Variants in BTRC observed in about 807,000 individuals in gnomAD.
BTRC encodes the protein beta-transducin repeat containing E3 ubiquitin protein ligase.
BTRC carries 42 observed loss-of-function variants against 85.5 expected under a neutral mutation model. The observed-to-expected ratio is 0.49, with a 90% CI of 0.38 to 0.64. BTRC has a LOEUF of 0.64. BTRC is among the 30% of genes least tolerant of loss of function. The pLI is 0.00. For missense variants in BTRC, 594 were observed against 743.5 expected (o/e 0.80, Z 2.34); for synonymous variants, 255 against 263.3 (o/e 0.97, Z 0.30).
intron 4 of BTRC, among the ~76,000 whole-genome samples, chr10:101,490,664 A>G (rs905340487): frequency 3.3e-5 from 5 of 152,182 alleles, no homozygotes; most frequent in Non-Finnish European, 5.9e-5. Flanking sequence ...GACATCTAGC[A>G]AATGTTATTT....
chr10:101,491,482 G>T (rs1433846026), intron 4 of BTRC, among the ~76,000 whole-genome samples: 1 of 152,058 alleles, frequency 6.6e-6, no homozygotes, highest in African/African-American at 2.4e-5. Flanking sequence ...AACACCTGAG[G>T]TCAGGAGTTC....
At chr10:101,486,607 T>G (rs1945995893) in intron 4 of BTRC, among the ~76,000 whole-genome samples, 1 of 152,086 alleles carries the variant, frequency 6.6e-6, no homozygotes, top group Non-Finnish European at 1.5e-5. Flanking sequence ...TTAGTTAAAT[T>G]TCTTTATTTA....
intron 2 of BTRC, among the ~76,000 whole-genome samples, chr10:101,453,894 T>C (rs1454270613): frequency 2.0e-5 from 3 of 152,222 alleles, no homozygotes; most frequent in African/African-American, 7.2e-5. Context: ...AGATAGGATC[T>C]TTCTTGTGGC....
intron 2 of BTRC, among the ~76,000 whole-genome samples, chr10:101,459,141 T>G (rs901098540): frequency 2.0e-5 from 3 of 152,222 alleles, no homozygotes; most frequent in Non-Finnish European, 4.4e-5. Flanking sequence ...CTTCCTTATA[T>G]TAATCACTTA....
intron 13 of BTRC, among the ~76,000 whole-genome samples, chr10:101,541,250 C>T (rs564104647): frequency 6.3e-5 from 9 of 143,012 alleles, no homozygotes; most frequent in African/African-American, 2.1e-4. Context: ...TGTATGTCAG[C>T]TATAGGGTTT....
intron 3 of BTRC, among the ~76,000 whole-genome samples, chr10:101,464,000 C>T (rs951560241): frequency 4.0e-5 from 6 of 150,778 alleles, no homozygotes; most frequent in African/African-American, 1.2e-4. Context: ...GATGTTGAGA[C>T]AGTTACAATT....
chr10:101,468,012 C>A (rs1474663207), intron 3 of BTRC, among the ~76,000 whole-genome samples: 2 of 152,242 alleles, frequency 1.3e-5, no homozygotes, highest in Admixed American at 6.5e-5. Flanking sequence ...TCTGTTGAAT[C>A]CTTTAGAGTC....
chr10:101,487,072 C>A (rs571032956), intron 4 of BTRC, among the ~76,000 whole-genome samples: 4 of 152,004 alleles, frequency 2.6e-5, no homozygotes, highest in South Asian at 2.1e-4. Flanking sequence ...ATTTTGATTC[C>A]TAAGTAATAA....
intron 4 of BTRC, among the ~76,000 whole-genome samples, chr10:101,490,700 C>G (rs970692494): frequency 2.6e-5 from 4 of 152,162 alleles, no homozygotes; most frequent in Admixed American, 6.5e-5. Context: ...CTTCCTACCT[C>G]TTGCTGCTTG....
chr10:101,410,779 T>G (rs1372406717), intron 1 of BTRC, among the ~76,000 whole-genome samples: 1 of 152,172 alleles, frequency 6.6e-6, no homozygotes, highest in Non-Finnish European at 1.5e-5. Flanking sequence ...CAAAACAATA[T>G]GCATCTTTAA....
chr10:101,481,082 C>A (rs1339195012), intron 4 of BTRC, among the ~76,000 whole-genome samples: 3 of 152,076 alleles, frequency 2.0e-5, no homozygotes, highest in South Asian at 2.1e-4. Context: ...CCACCACACC[C>A]AGCTAATTTT....
chr10:101,529,587 A>G (rs187733098), intron 6 of BTRC, among the ~76,000 whole-genome samples: 277 of 152,320 alleles, frequency 1.8e-3, no homozygotes, highest in African/African-American at 6.5e-3. Flanking sequence ...ATTCTTTCAT[A>G]ACGCATCTTG....
chr10:101,438,198 G>A (rs4615960), intron 2 of BTRC, among the ~76,000 whole-genome samples: 40,182 of 151,816 alleles, frequency 0.26, 6,366 homozygotes, highest in South Asian at 0.4. Context: ...AGGCCAAGGA[G>A]GGCAGATCAC....
chr10:101,480,621 G>A (rs1945809116), intron 4 of BTRC, among the ~76,000 whole-genome samples: 1 of 152,100 alleles, frequency 6.6e-6, no homozygotes, highest in Non-Finnish European at 1.5e-5. Flanking sequence ...GAACACAAAC[G>A]TTCAGACCAT....
chr10:101,479,470 G>C lies in BTRC; in HGVS notation c.324+13G>C. The C allele has an allele frequency of 6.3e-7, 1 of 1,592,142 alleles. No homozygotes were observed. Among genetic ancestry groups the C allele is most frequent in the Non-Finnish European group, 8.6e-7 (1 of 1,160,678 alleles). On this transcript the variant is annotated intron_variant, in intron 4 of 14. Transcript: ENST00000370187. ...TTGTGTGGCCAAAGTAAGTAATATT[G>C]CTCATCAATGTATATTACACCACAC...
intron 14 of BTRC, 181 bp downstream of exon 14, chr10:101,551,072 G>C (rs2062642277): frequency 2.0e-6 from 1 of 503,844 alleles, no homozygotes; most frequent in Non-Finnish European, 3.4e-6. Context: ...CTTTCACCAA[G>C]GTAGCCAGCC....
At chr10:101,403,269 G>C (rs2134004805) in intron 1 of BTRC, among the ~76,000 whole-genome samples, 1 of 152,272 alleles carries the variant, frequency 6.6e-6, no homozygotes, top group South Asian at 2.1e-4. Context: ...TATTTTAAGG[G>C]TACAGAGATA....
At chr10:101,354,311 G>A in intron 1 of BTRC, 83 bp downstream of exon 1, 2 of 1,480,062 alleles carry the variant, frequency 1.4e-6, no homozygotes, top group Non-Finnish European at 9.1e-7. Context: ...CCCACTGCGG[G>A]ACCGGGCAGC....
chr10:101,463,542 A>T lies in BTRC; in HGVS notation c.234+1484A>T, dbSNP rs200619716. Among the ~76,000 whole-genome samples the T allele has an allele frequency of 4.6e-5, 7 of 152,208 alleles. No homozygotes were observed. The Middle Eastern group carries it at 0.01, about 222-fold the overall frequency. The stretch of plus-strand genomic sequence containing the variant: ...CCTGAGCAGCAGTAAAAATAATTCT[A>T]ATTTACTTGGATTTATAGCATTGTT... On this transcript the variant is annotated intron_variant, in intron 3 of 14. Transcript: ENST00000370187.
Sources: gnomAD v4.1 joint callset for allele counts (sites outside exome capture counted in the v4.1 genomes callset) on GRCh38, gnomAD v4.1.1 for gene constraint, MANE v1.5 for transcripts, NCBI Gene and HGNC (gene_info 2026-07-23, HGNC 2026-07-21) for gene names.